The following IL17RC variants were observed in gnomAD, a reference collection of about 807,000 sequenced individuals.
IL17RC encodes interleukin-17 receptor C.
IL17RC carries 53 observed loss-of-function variants against 86.7 expected under a neutral mutation model. The ratio of observed to expected loss-of-function variants is 0.61; its 90% confidence interval spans 0.49 to 0.77. The LOEUF (loss-of-function observed/expected upper bound fraction) is 0.77. IL17RC is among the 30% of genes least tolerant of loss of function. The pLI is 0.00. For missense variants in IL17RC, 957 were observed against 940.0 expected (o/e 1.02, Z -0.24); for synonymous variants, 439 against 413.1 (o/e 1.06, Z -0.76).
At position 9,918,613 on chromosome 3, in the gene IL17RC, T is replaced by C; in HGVS notation, c.465+4T>C. On this transcript the variant is annotated splice_donor_region_variant and intron_variant, in intron 5 of 18. Coordinates refer to ENST00000403601, the MANE Select transcript of IL17RC (RefSeq NM_153460.4). ...TGTGCAGTTTGGTCAGTCTGTGGTA[T>C]GCAAAATAATAATAATCACCTTCTA... 6.3e-7 allele frequency: 1 copy of C among 1,589,952 alleles called. No individual in the cohort carries two copies. Among genetic ancestry groups the C allele is most frequent in the Non-Finnish European group, 8.6e-7 (1 of 1,158,302 alleles).
intron 9 of IL17RC, among the ~76,000 whole-genome samples, chr3:9,924,627 G>T (rs1349588327): frequency 6.6e-6 from 1 of 152,180 alleles, no homozygotes; most frequent in Non-Finnish European, 1.5e-5. Flanking sequence ...GGACTGGTTT[G>T]AATCTTGGCT....
At position 9,928,445 on chromosome 3, in the gene IL17RC, C is replaced by T; in HGVS notation, c.1018C>T (p.Pro340Ser). 6.2e-7 allele frequency: 1 copy of T among 1,608,840 alleles called. No individual in the cohort carries two copies. The highest frequency in any genetic ancestry group is 8.5e-7 in the Non-Finnish European group (1 of 1,179,508). Reference sequence around the variant, plus strand: ...GGCTCCGGGTGGGGACCCCTGCCAGCCACTGGTCCCACCGCTTTCCTGGGA... The same window carrying T: ...GGCTCCGGGTGGGGACCCCTGCCAGTCACTGGTCCCACCGCTTTCCTGGGA... The part of the protein sequence containing the change: ...WRAPGGDPCQ[P>S]LVPPLSWENV... Residue 340 changes from proline to serine, a missense_variant, in exon 11 of 19, where the codon CCA (proline) becomes TCA (serine). Pro to Ser is a moderately conservative substitution (Grantham distance 74). Transcript: ENST00000403601.
intron 7 of IL17RC, among the ~76,000 whole-genome samples, chr3:9,922,220 G>T (rs1575546090): frequency 6.6e-6 from 1 of 152,198 alleles, no homozygotes; most frequent in African/African-American, 2.4e-5. Context: ...CAAAGTGCTG[G>T]GATTACAGGC....
chr3:9,932,805 C>T lies in IL17RC; in HGVS notation c.1484-15C>T. 1.3e-6 allele frequency: 2 copies of T among 1,573,338 alleles called. No individual in the cohort carries two copies. Among genetic ancestry groups the T allele is most frequent in the Non-Finnish European group, 1.7e-6 (2 of 1,160,662 alleles). On this transcript the variant is annotated splice_polypyrimidine_tract_variant and intron_variant, in intron 17 of 18. Transcript: ENST00000403601. The stretch of plus-strand genomic sequence containing the variant: ...GCCGAGCTCACTGGCTGCCTCCGCC[C>T]CTCTCCCCTAACAGGGTGGCTGAGG...
At chr3:9,929,033 G>A (rs575046556) in intron 12 of IL17RC, 11 of 174,536 alleles carry the variant, frequency 6.3e-5, no homozygotes, top group Non-Finnish European at 1.1e-4. Context: ...TCACTCATCC[G>A]GCCAGGCGCG....
chr3:9,932,979 C>A lies in IL17RC; in HGVS notation c.1549C>A (p.Leu517Ile). ...GGCCGCCAGGGGCCGCGCGGCTCTG[C>A]TCCTCTACTCAGCCGATGACTCGGG... ...GAAARGRAAL[L>I]LYSADDSGFE... is the part of the protein sequence containing the mutation. The change falls in exon 19 of 19, where the codon CTC becomes ATC. Residue 517 changes from leucine to isoleucine, a missense_variant. Coordinates refer to ENST00000403601, the MANE Select transcript of IL17RC (RefSeq NM_153460.4). The A allele has an allele frequency of 6.3e-7, 1 of 1,599,892 alleles. No individual in the cohort carries two copies. The highest frequency in any genetic ancestry group is 8.5e-7 in the Non-Finnish European group (1 of 1,176,282).
chr3:9,932,881 C>A (rs1264995813), intron 18 of IL17RC, 23 bp downstream of exon 18: 8 of 1,589,578 alleles, frequency 5.0e-6, no homozygotes, highest in Non-Finnish European at 6.0e-6. Context: ...AAGCGCTGGG[C>A]GGAGGGCCGC....
At chr3:9,918,688 A>G in intron 5 of IL17RC, 79 bp downstream of exon 5, 1 of 976,092 alleles carries the variant, frequency 1.0e-6, no homozygotes, top group Non-Finnish European at 1.6e-6. Flanking sequence ...TTTGAGGATT[A>G]CAAAAGAATT....
chr3:9,918,652 TAA>T, intron 5 of IL17RC, 43 bp downstream of exon 5: 2 of 1,387,106 alleles, frequency 1.4e-6, no homozygotes, highest in Non-Finnish European at 2.0e-6. Flanking sequence ...CTAAAATCTA[TAA>T]AACTTTTTCA....
In IL17RC at chr3:9,932,681, T is replaced by C. The variant is rs752887172; in HGVS notation, c.1461T>C (p.Leu487=). 8.7e-6 allele frequency: 14 copies of C among 1,613,418 alleles called. No homozygotes were observed. The African/African-American group carries it at 1.5e-4, about 17-fold the overall frequency. ...LFAAALSLIL[L]LKKDHAKGWL... is the part of the protein sequence containing the mutation. ...CCGCTGCGCTTTCCCTCATCCTCCTTCTCAAAAAGGATCACGCGAAAGGTG... is the reference window on the plus strand; with the variant it reads ...CCGCTGCGCTTTCCCTCATCCTCCTCCTCAAAAAGGATCACGCGAAAGGTG... Residue 487 remains leucine (L), a synonymous_variant, in exon 17 of 19, where the codon CTT becomes CTC. Coordinates refer to ENST00000403601, the MANE Select transcript of IL17RC (RefSeq NM_153460.4).
Position 9,918,386 on chromosome 3 carries a change from CAG to C in IL17RC, c.333_334del (p.Val113GlyfsTer4). The C allele has an allele frequency of 6.2e-7, 1 of 1,608,850 alleles. No homozygotes were observed. Among genetic ancestry groups the C allele is most frequent in the Non-Finnish European group, 8.5e-7 (1 of 1,177,394 alleles). ...GAAAAGTTTGGAGGAGCAGCTGACT[CAG>C]GGGTGGAGGAGCCTAGGAATGGTGA... On this transcript the variant is annotated frameshift_variant, in exon 4 of 19. Transcript: ENST00000403601. LOFTEE classifies it high-confidence loss of function.
chr3:9,918,548 C>G lies in IL17RC; in HGVS notation c.404C>G (p.Ala135Gly), dbSNP rs780151470. The change falls in exon 5 of 19, where the codon GCC becomes GGC. Residue 135 changes from alanine to glycine, a missense_variant. Ala to Gly is a moderately conservative substitution (Grantham distance 60). Transcript: ENST00000403601. ...VVLSFQAYPT[A>G]RCVLLEVQVP... ...CTCTCCTTCCAGGCCTACCCTACTG[C>G]CCGCTGCGTCCTGCTGGAGGTGCAA... The G allele has an allele frequency of 3.1e-6, 5 of 1,614,180 alleles. No individual in the cohort carries two copies. Among genetic ancestry groups the G allele is most frequent in the Non-Finnish European group, 4.2e-6 (5 of 1,180,038 alleles).
chr3:9,929,919 C>T (rs1404636922), intron 13 of IL17RC, 22 bp downstream of exon 13: 27 of 1,614,056 alleles, frequency 1.7e-5, no homozygotes, highest in Non-Finnish European at 2.3e-5. Context: ...CTGGGGGCAG[C>T]TGGGGCAGGG....
chr3:9,918,220 G>A, intron 3 of IL17RC, 115 bp from the exon 4 acceptor site: 2 of 1,294,920 alleles, frequency 1.5e-6, no homozygotes, highest in Non-Finnish European at 2.1e-6. Context: ...AGGCCAGTGT[G>A]GTCTCCCCAG....
chr3:9,918,310 G>A, intron 3 of IL17RC, 25 bp from the exon 4 acceptor site: 1 of 1,555,954 alleles, frequency 6.4e-7, no homozygotes, highest in Non-Finnish European at 8.7e-7. Context: ...GCCTCACCCA[G>A]GGCCTTGCTC....
chr3:9,931,477 A>ATATATATATG (rs1418926006), intron 16 of IL17RC, among the ~76,000 whole-genome samples: 365 of 15,026 alleles, frequency 0.024, 2 homozygotes, highest in African/African-American at 0.033. Context: ...ACACATATAT[A>ATATATATATG]TATATATATA....
intron 7 of IL17RC, among the ~76,000 whole-genome samples, chr3:9,923,092 C>T (rs1446769445): frequency 1.4e-4 from 21 of 150,818 alleles, no homozygotes; most frequent in African/African-American, 4.6e-4. Flanking sequence ...AGGAGAATGG[C>T]TTGAACCCCA....
chr3:9,930,821 C>T lies in IL17RC; in HGVS notation c.1339-74C>T. On this transcript the variant is annotated intron_variant, in intron 15 of 18. Coordinates refer to ENST00000403601, the MANE Select transcript of IL17RC (RefSeq NM_153460.4). The surrounding 1 kb of genome is among the most constrained non-coding windows in gnomAD (Gnocchi z 5.8). ...TAGTTGATGCTGGGAATTTGGAGAT[C>T]AGGCCACCAGAGCTTGGTGAATATT... The T allele has an allele frequency of 7.5e-7, 1 of 1,334,850 alleles. No homozygotes were observed. Among genetic ancestry groups the T allele is most frequent in the Non-Finnish European group, 1.1e-6 (1 of 925,612 alleles). 82.7% of individuals were successfully genotyped at this position (1,334,850 alleles called of 1,614,324 possible). A position where few individuals can be genotyped will look rare whatever the true frequency, so the allele number is the denominator to read the frequency against.
chr3:9,929,510 T>G, intron 12 of IL17RC: 1 of 341,794 alleles, frequency 2.9e-6, no homozygotes, highest in Non-Finnish European at 5.5e-6. Flanking sequence ...ACAAATACCA[T>G]GGGAAAGGGA....
Sources: gnomAD v4.1 joint callset for allele counts (sites outside exome capture counted in the v4.1 genomes callset) on GRCh38, gnomAD v4.1.1 for gene constraint, Gnocchi (gnomAD v3.1) non-coding constraint, MANE v1.5 for transcripts, NCBI Gene and HGNC (gene_info 2026-07-23, HGNC 2026-07-21) for gene names.